ANXA8: variants seen among roughly 807,000 people sequenced by gnomAD.
ANXA8 encodes the protein annexin A8.
In ANXA8, 9 loss-of-function variants were observed where a neutral mutation model predicts 26.8. That is an observed-to-expected ratio of 0.34 (90% confidence interval 0.20 to 0.59). The LOEUF (loss-of-function observed/expected upper bound fraction) is 0.59, where lower values mean the gene tolerates loss of function less well. Ranked by LOEUF, ANXA8 falls within the 20% of genes least tolerant of loss-of-function variation. The pLI, the probability that ANXA8 is intolerant of heterozygous loss-of-function variation, is 0.84. For missense variants in ANXA8, 83 were observed against 238.5 expected, an observed-to-expected ratio of 0.35 and a Z score of 4.29; for synonymous variants, 39 against 94.8, an observed-to-expected ratio of 0.41 and a Z score of 3.42.
chr10:47,724,165 C>T, the ANXA8 span, among the ~76,000 whole-genome samples: 2 of 133,904 alleles, frequency 1.5e-5, no homozygotes, highest in South Asian at 4.7e-4. Context: ...TCCCTGTTTA[C>T]CTTCCCCTAG....
chr10:47,698,149 CTG>C, the ANXA8 span, among the ~76,000 whole-genome samples: 1 of 150,778 alleles, frequency 6.6e-6, no homozygotes, highest in South Asian at 2.1e-4. Context: ...TTGTGAAAGA[CTG>C]AGAGGGAACT....
the ANXA8 span, among the ~76,000 whole-genome samples, chr10:47,558,006 A>T: frequency 6.6e-6 from 1 of 151,954 alleles, no homozygotes; most frequent in Non-Finnish European, 1.5e-5. Flanking sequence ...AGACTTGAGC[A>T]TACTAAGGAA....
chr10:47,733,296 T>TTTCTTTC, the ANXA8 span, among the ~76,000 whole-genome samples: 1 of 69,678 alleles, frequency 1.4e-5, no homozygotes, highest in Non-Finnish European at 2.8e-5. Context: ...TCTTTCTTTC[T>TTTCTTTC]TTTTTTTCTT....
At chr10:47,677,356 A>T in the ANXA8 span, among the ~76,000 whole-genome samples, 1 of 152,126 alleles carries the variant, frequency 6.6e-6, no homozygotes, top group Non-Finnish European at 1.5e-5. Flanking sequence ...AGAGGGATTA[A>T]CCGCTACGAG....
At chr10:47,631,457 A>G in the ANXA8 span, among the ~76,000 whole-genome samples, 2 of 150,836 alleles carry the variant, frequency 1.3e-5, no homozygotes, top group South Asian at 4.2e-4. Flanking sequence ...CCTCATTTCA[A>G]AAGACTAAAG....
At chr10:47,535,390 T>C in the ANXA8 span, among the ~76,000 whole-genome samples, 150 of 130,728 alleles carry the variant, frequency 1.1e-3, 4 homozygotes, top group Non-Finnish European at 2.1e-3. Flanking sequence ...AGACATTTTG[T>C]CTATAAAATG....
chr10:47,565,984 C>T, the ANXA8 span: 5 of 1,454,230 alleles, frequency 3.4e-6, no homozygotes, highest in East Asian at 1.5e-4. Flanking sequence ...AGCAGGGGAG[C>T]TTCTCGGGCA....
At chr10:47,943,827 C>T in the ANXA8 span, among the ~76,000 whole-genome samples, 22 of 148,216 alleles carry the variant, frequency 1.5e-4, 1 homozygote, top group Admixed American at 4.7e-4. Flanking sequence ...ACTGCATCAT[C>T]CTTGCTCAGT....
the ANXA8 span, chr10:47,987,095 T>C: frequency 2.3e-6 from 1 of 435,932 alleles, no homozygotes; most frequent in African/African-American, 2.2e-5. Context: ...GGTACCCAGG[T>C]TTTCCCAGGG....
chr10:47,627,416 A>G, the ANXA8 span, among the ~76,000 whole-genome samples: 1 of 150,192 alleles, frequency 6.7e-6, no homozygotes, highest in Admixed American at 6.6e-5. Context: ...GTGTCACTCT[A>G]TCGGTACTGT....
At chr10:47,486,779 A>G (rs1331315403), upstream of ANXA8, among the ~76,000 whole-genome samples, 2 of 135,964 alleles carry the variant, frequency 1.5e-5, no homozygotes, top group Non-Finnish European at 3.2e-5. Flanking sequence ...GTGAAACCCC[A>G]TCTCTACTAA....
At chr10:47,672,324 C>T in the ANXA8 span, among the ~76,000 whole-genome samples, 26,760 of 147,518 alleles carry the variant, frequency 0.18, 1,514 homozygotes, top group East Asian at 0.45. Flanking sequence ...GTACACAGAA[C>T]GATATAGCTG....
chr10:47,546,635 T>C, the ANXA8 span, among the ~76,000 whole-genome samples: 7 of 135,758 alleles, frequency 5.2e-5, 1 homozygote, highest in Admixed American at 1.5e-4. Context: ...CTCGATCTCC[T>C]GACCCCGTGA....
the ANXA8 span, among the ~76,000 whole-genome samples, chr10:47,685,486 A>G: frequency 6.6e-6 from 1 of 151,782 alleles, no homozygotes; most frequent in Non-Finnish European, 1.5e-5. Flanking sequence ...TTTATGCTCT[A>G]CTATCTTCCC....
At chr10:47,484,307 C>T, upstream of ANXA8, 1 of 639,806 alleles carries the variant, frequency 1.6e-6, no homozygotes, top group Admixed American at 2.2e-5. Flanking sequence ...TGGTCTCAAA[C>T]TCCCGACCTC....
intron 8 of ANXA8, 50 bp downstream of exon 8, chr10:47,474,255 G>A: frequency 6.3e-7 from 1 of 1,582,336 alleles, no homozygotes; most frequent in Non-Finnish European, 8.5e-7. Flanking sequence ...AGAGGCTCAT[G>A]GCCAGGACAC....
At chr10:47,655,539 G>A in the ANXA8 span, among the ~76,000 whole-genome samples, 2 of 151,510 alleles carry the variant, frequency 1.3e-5, no homozygotes, top group Non-Finnish European at 2.9e-5. Flanking sequence ...GGGAACAAAT[G>A]AAACCAGAAG....
the ANXA8 span, among the ~76,000 whole-genome samples, chr10:47,905,814 G>GTCTA: frequency 7.2e-6 from 1 of 138,022 alleles, no homozygotes; most frequent in African/African-American, 2.9e-5. Context: ...CCCACAAAGA[G>GTCTA]TCTAGAGCAA....
the ANXA8 span, among the ~76,000 whole-genome samples, chr10:47,940,540 G>C: frequency 1.3e-4 from 19 of 146,234 alleles, 1 homozygote; most frequent in African/African-American, 4.6e-4. Flanking sequence ...ATTTAAGAAA[G>C]CAGGACAGGC....
Sources: allele counts gnomAD v4.1 joint callset (sites outside exome capture counted in the v4.1 genomes callset), GRCh38; gene constraint gnomAD v4.1.1; transcripts MANE v1.5; gene names NCBI Gene and HGNC (gene_info 2026-07-23, HGNC 2026-07-21).